The following TMIGD1 variants were observed in gnomAD, a reference collection of about 807,000 sequenced individuals.
The protein encoded by TMIGD1 is transmembrane and immunoglobulin domain-containing protein 1.
In TMIGD1, 29 loss-of-function variants were observed where a neutral mutation model predicts 27.5. The ratio of observed to expected loss-of-function variants is 1.05; its 90% confidence interval spans 0.78 to 1.44. The LOEUF (loss-of-function observed/expected upper bound fraction) is 1.44. Ranked by LOEUF, TMIGD1 falls within the 40% of genes most tolerant of loss-of-function variation. The probability of loss-of-function intolerance (pLI) is 0.00; values close to 1 mark genes in which losing one functional copy is unlikely to be tolerated. For missense variants in TMIGD1, 334 were observed against 310.6 expected (o/e 1.08, Z -0.57); for synonymous variants, 109 against 110.3 (o/e 0.99, Z 0.07).
At chr17:30,324,190 G>A (rs535879786) in intron 4 of TMIGD1, among the ~76,000 whole-genome samples, 38 of 152,272 alleles carry the variant, frequency 2.5e-4, no homozygotes, top group Non-Finnish European at 4.4e-4. Context: ...AGCATTTTTG[G>A]CATCTGCTAC....
At chr17:30,322,194 C>T (rs1336919736) in intron 4 of TMIGD1, among the ~76,000 whole-genome samples, 1 of 152,116 alleles carries the variant, frequency 6.6e-6, no homozygotes, top group Non-Finnish European at 1.5e-5. Context: ...AAATTTTTGC[C>T]CTCTCTTAGC....
intron 1 of TMIGD1, among the ~76,000 whole-genome samples, chr17:30,332,958 C>G (rs768230139): frequency 4.6e-5 from 7 of 152,108 alleles, no homozygotes; most frequent in Non-Finnish European, 8.8e-5. Context: ...TAACAACCCT[C>G]CTGAGGTCGT....
chr17:30,329,023 GAAAAGAAAA>G (rs1909883079), intron 3 of TMIGD1, among the ~76,000 whole-genome samples: 1 of 127,626 alleles, frequency 7.8e-6, no homozygotes, highest in Non-Finnish European at 1.8e-5. Flanking sequence ...AAAGAAAAGA[GAAAAGAAAA>G]AAAAGAAAAG....
At chr17:30,318,551 C>G (rs566050336) in intron 5 of TMIGD1, among the ~76,000 whole-genome samples, 2 of 152,216 alleles carry the variant, frequency 1.3e-5, no homozygotes, top group East Asian at 3.9e-4. Flanking sequence ...AAAATCAGCC[C>G]CCAATTGCCT....
chr17:30,323,861 C>T (rs1283069697), intron 4 of TMIGD1, among the ~76,000 whole-genome samples: 3 of 152,188 alleles, frequency 2.0e-5, no homozygotes, highest in Middle Eastern at 3.4e-3. Flanking sequence ...GTTAGTGCTC[C>T]GCAGGACGAA....
intron 2 of TMIGD1, among the ~76,000 whole-genome samples, chr17:30,330,179 C>G (rs1021122207): frequency 6.7e-6 from 1 of 149,754 alleles, no homozygotes; most frequent in Admixed American, 6.7e-5. Context: ...AGGCACCCCA[C>G]CCCCCGACCC....
In TMIGD1 at chr17:30,325,023, CA is replaced by C; in HGVS notation, c.432del (p.Asn144LysfsTer2). On this transcript the variant is annotated frameshift_variant, in exon 4 of 7. Coordinates refer to ENST00000328886, the MANE Select transcript of TMIGD1 (RefSeq NM_206832.3). LOFTEE classifies it high-confidence loss of function. ...ATTTGAGCCTGGGGGTTGGCTTTCA[CA>C]TTGCAAACCAACTTCACATTACTGC... is the stretch of plus-strand genomic sequence containing the variant. ...EEGSNVKLVC[N>X]VKANPQAQMM... is the part of the protein sequence containing the mutation. 1 of 1,614,108 alleles carries C rather than the reference CA, an allele frequency of 6.2e-7. No individual in the cohort carries two copies. The highest frequency in any genetic ancestry group is 8.5e-7 in the Non-Finnish European group (1 of 1,179,986).
intron 4 of TMIGD1, among the ~76,000 whole-genome samples, chr17:30,321,286 G>A (rs1909612668): frequency 6.6e-6 from 1 of 151,978 alleles, no homozygotes; most frequent in Non-Finnish European, 1.5e-5. Flanking sequence ...ATCAGCCACT[G>A]CACCTGGCAG....
At chr17:30,317,868 G>C (rs1406671874) in intron 5 of TMIGD1, among the ~76,000 whole-genome samples, 1 of 151,736 alleles carries the variant, frequency 6.6e-6, no homozygotes, top group Non-Finnish European at 1.5e-5. Flanking sequence ...TCAGGAGTTC[G>C]AGACCAGCCT....
In TMIGD1 at chr17:30,332,107, C is replaced by T; in HGVS notation, c.27G>A (p.Met9Ile). The T allele has an allele frequency of 6.2e-7, 1 of 1,613,514 alleles. No individual in the cohort carries two copies. Among genetic ancestry groups the T allele is most frequent in the Non-Finnish European group, 8.5e-7 (1 of 1,179,688 alleles). MAWKSSVI[M>I]QMGRFLLLVI... ...CTAAGAGAAGAAATCTTCCCATTTG[C>T]ATTATGACACTGCTCTTCCATGCCA... The change falls in exon 2 of 7, where the codon ATG becomes ATA. Residue 9 changes from methionine (M) to isoleucine (I), a missense_variant. Physicochemically the swap from Met to Ile is conservative, Grantham distance 10. Coordinates refer to ENST00000328886, the MANE Select transcript of TMIGD1 (RefSeq NM_206832.3).
intron 5 of TMIGD1, among the ~76,000 whole-genome samples, chr17:30,318,549 C>T (rs1453180176): frequency 6.6e-6 from 1 of 152,100 alleles, no homozygotes; most frequent in African/African-American, 2.4e-5. Context: ...GGAAAATCAG[C>T]CCCCAATTGC....
intron 5 of TMIGD1, 121 bp downstream of exon 5, chr17:30,318,689 T>C: frequency 1.6e-6 from 1 of 631,550 alleles, no homozygotes; most frequent in Non-Finnish European, 2.8e-6. Context: ...GATCTCATGG[T>C]ATAAAGACCA....
Position 30,329,398 on chromosome 17 carries a change from C to G in TMIGD1, c.214G>C (p.Gly72Arg). The G allele has an allele frequency of 6.2e-7, 1 of 1,614,168 alleles. No homozygotes were observed. Among genetic ancestry groups the G allele is most frequent in the Non-Finnish European group, 8.5e-7 (1 of 1,180,038 alleles). The change falls in exon 3 of 7, where the codon GGG (glycine) becomes CGG (arginine). Residue 72 changes from glycine (G) to arginine (R), a missense_variant. By Grantham distance (125) the Gly-to-Arg change is moderately radical. Transcript: ENST00000328886. ...TTTCCAGATTTCAAATCCACTCTCC[C>G]CTCCTCTCGGTACCAGAGCAGTTCT... ...EEELLWYREE[G>R]RVDLKSGNKI...
intron 4 of TMIGD1, 138 bp downstream of exon 4, chr17:30,324,678 T>C: frequency 7.6e-6 from 8 of 1,049,532 alleles, no homozygotes; most frequent in African/African-American, 1.6e-5. Flanking sequence ...GGAAAAATCC[T>C]TGGATGGGGA....
intron 4 of TMIGD1, among the ~76,000 whole-genome samples, chr17:30,320,535 A>G (rs1909584465): frequency 6.6e-6 from 1 of 152,228 alleles, no homozygotes; most frequent in East Asian, 1.9e-4. Context: ...CCGAACTGTT[A>G]AATAATAATG....
In TMIGD1 at chr17:30,329,488, G is replaced by T; in HGVS notation, c.124C>A (p.Leu42Met). ...TVNGKTENYILDTTPGSQASL... is the reference protein window; with the variant it reads ...TVNGKTENYIMDTTPGSQASL... ...GCTTGGGAGCCAGGTGTAGTATCCA[G>T]GATATAGTTCTCAGTTTTACCATTC... Residue 42 changes from leucine (L) to methionine (M), a missense_variant, in exon 3 of 7, where the codon CTG (leucine) becomes ATG (methionine). Physicochemically the swap from Leu to Met is conservative, Grantham distance 15. Coordinates refer to ENST00000328886, the MANE Select transcript of TMIGD1 (RefSeq NM_206832.3). 1 of 1,613,950 alleles carries T rather than the reference G, an allele frequency of 6.2e-7. No homozygotes were observed. Among genetic ancestry groups the T allele is most frequent in the East Asian group, 2.2e-5 (1 of 44,884 alleles).
At chr17:30,333,642 G>T (rs1175999277) in intron 1 of TMIGD1, among the ~76,000 whole-genome samples, 3 of 151,936 alleles carry the variant, frequency 2.0e-5, no homozygotes, top group Non-Finnish European at 4.4e-5. Context: ...CACCCTTTCT[G>T]GCAGACAAGC....
chr17:30,317,326 G>T (rs1909447597), intron 5 of TMIGD1, 93 bp from the exon 6 acceptor site: 2 of 1,381,750 alleles, frequency 1.4e-6, no homozygotes, highest in Non-Finnish European at 2.1e-6. Flanking sequence ...ACAGGTGTGT[G>T]TCCTGTGCAC....
At chr17:30,322,779 C>A (rs1000904291) in intron 4 of TMIGD1, among the ~76,000 whole-genome samples, 14 of 152,226 alleles carry the variant, frequency 9.2e-5, no homozygotes, top group African/African-American at 3.4e-4. Flanking sequence ...GGATTACAGG[C>A]GTGAGCCGCT....
Sources: allele counts gnomAD v4.1 joint callset (sites outside exome capture counted in the v4.1 genomes callset), GRCh38; gene constraint gnomAD v4.1.1; transcripts MANE v1.5; gene names NCBI Gene and HGNC (gene_info 2026-07-23, HGNC 2026-07-21).